SLC39A4: variants seen among roughly 807,000 people sequenced by gnomAD.
SLC39A4 encodes zinc transporter ZIP4.
A neutral mutation model predicts 56.6 loss-of-function variants in SLC39A4; 49 were observed. The ratio of observed to expected loss-of-function variants is 0.87; its 90% confidence interval spans 0.69 to 1.10. The LOEUF (loss-of-function observed/expected upper bound fraction) is 1.10, where lower values mean the gene tolerates loss of function less well. Among genes scored for constraint, SLC39A4 ranks in the 50% least tolerant of loss-of-function variants. The pLI is 0.00. For synonymous variants in SLC39A4, 540 were observed against 420.4 expected (o/e 1.28, Z -3.48); for missense variants, 993 against 864.2 (o/e 1.15, Z -1.87).
chr8:144,414,340 G>T lies in SLC39A4; in HGVS notation c.1071C>A (p.Thr357=), dbSNP rs1554872997. Residue 357 remains threonine (T), a synonymous_variant, in exon 6 of 12, where the codon ACC becomes ACA. Transcript: ENST00000301305. ...LLTCTGCRGV[T]HYILQTFLSL... ...TCAGGAAGGTCTGCAGGATGTAGTGGGTGACCCCCCTGCAGCCAGTGCAGG... is the reference window on the plus strand; with the variant it reads ...TCAGGAAGGTCTGCAGGATGTAGTGTGTGACCCCCCTGCAGCCAGTGCAGG... The T allele has an allele frequency of 6.3e-7, 1 of 1,597,804 alleles. No individual in the cohort carries two copies. Among genetic ancestry groups the T allele is most frequent in the South Asian group, 1.1e-5 (1 of 87,982 alleles).
chr8:144,413,394 G>A lies in SLC39A4; in HGVS notation c.1475-5C>T, dbSNP rs782232344. ...TATAGGGCAGTAGCCTCAACTCTGC[G>A]GGCGCAGAGGCCCGTGGGTTCGCGT... is the stretch of plus-strand genomic sequence containing the variant. On this transcript the variant is annotated splice_region_variant and splice_polypyrimidine_tract_variant and intron_variant, in intron 9 of 11. Transcript: ENST00000301305. 3.7e-6 allele frequency: 6 copies of A among 1,608,638 alleles called. No individual in the cohort carries two copies. The highest frequency in any genetic ancestry group is 1.7e-5 in the Admixed American group (1 of 59,694).
rs141948792 is a variant in SLC39A4, at chr8:144,413,961, C to T, written c.1284G>A (p.Pro428=). Residue 428 remains proline, a synonymous_variant, in exon 7 of 12, where the codon CCG becomes CCA. Coordinates refer to ENST00000301305, the MANE Select transcript of SLC39A4 (RefSeq NM_130849.4). ...NLFNLLLPRD[P]EDLEDGPCGH... ...GTACCTTCCCAAGAAGCCTGACCTCCGGGTCCCTGGGCAGCAGGAGATTGA... is the reference window on the plus strand; with the variant it reads ...GTACCTTCCCAAGAAGCCTGACCTCTGGGTCCCTGGGCAGCAGGAGATTGA... 2.0e-5 allele frequency: 32 copies of T among 1,610,500 alleles called. No individual in the cohort carries two copies. The highest frequency in any genetic ancestry group is 2.5e-5 in the Non-Finnish European group (30 of 1,178,782).
At position 144,415,837 on chromosome 8, in the gene SLC39A4, G is replaced by A. The variant is rs1390219216; in HGVS notation, c.447C>T (p.Ala149=). The A allele has an allele frequency of 2.5e-6, 4 of 1,595,846 alleles. No homozygotes were observed. The highest frequency in any genetic ancestry group is 4.5e-5 in the East Asian group (2 of 44,618). ...TCTTGGGGGTCTGGCCGGCAGCCCG[G>A]GCCTGCATCCTCTGCAGCAGCCAGC... ...GLSWLLQRMQ[A]RAAGQTPKMA... is the part of the protein sequence containing the mutation. The change falls in exon 2 of 12, where the codon GCC becomes GCT. Residue 149 remains alanine, a synonymous_variant. Transcript: ENST00000301305.
Position 144,414,787 on chromosome 8 carries a change from A to G in SLC39A4, c.914T>C (p.Leu305Pro). The G allele has an allele frequency of 6.2e-7, 1 of 1,613,124 alleles. No individual in the cohort carries two copies. Among genetic ancestry groups the G allele is most frequent in the Non-Finnish European group, 8.5e-7 (1 of 1,179,974 alleles). The change falls in exon 5 of 12, where the codon CTG becomes CCG. Residue 305 changes from leucine to proline, a missense_variant. Coordinates refer to ENST00000301305, the MANE Select transcript of SLC39A4 (RefSeq NM_130849.4). ...QLSPALLQQQLSGACTSQSRP... is the reference protein window; with the variant it reads ...QLSPALLQQQPSGACTSQSRP... ...GGACTGGGAGGTGCAGGCTCCACTC[A>G]GCTGCTGTTGGAGCAGGGCAGGGCT...
In SLC39A4 at chr8:144,413,734, T is replaced by G. The variant is rs782410244; in HGVS notation, c.1419+16A>C. ...GAGGGGCTCCGCGTGGGATGGGGCA[T>G]CTGGCGCCCACTCACCAGGTCTGCG... On this transcript the variant is annotated intron_variant, in intron 8 of 11. Transcript: ENST00000301305. 1 of 1,535,360 alleles carries G rather than the reference T, an allele frequency of 6.5e-7. No individual in the cohort carries two copies. The highest frequency in any genetic ancestry group is 1.2e-5 in the South Asian group (1 of 83,942).
At position 144,415,816 on chromosome 8, in the gene SLC39A4, G is replaced by A. The variant is rs1439303751; in HGVS notation, c.468C>T (p.Pro156=). 1.3e-6 allele frequency: 2 copies of A among 1,594,534 alleles called. No individual in the cohort carries two copies. Among genetic ancestry groups the A allele is most frequent in the South Asian group, 2.2e-5 (2 of 90,120 alleles). Reference sequence around the variant, plus strand: ...TGCCTGGACTCTCCCTCACCATCTTGGGGGTCTGGCCGGCAGCCCGGGCCT... The same window carrying A: ...TGCCTGGACTCTCCCTCACCATCTTAGGGGTCTGGCCGGCAGCCCGGGCCT... The part of the protein sequence containing the change: ...RMQARAAGQT[P]KMACVDIPQL... The change falls in exon 2 of 12, where the codon CCC becomes CCT. Residue 156 remains proline, a synonymous_variant. Coordinates refer to ENST00000301305, the MANE Select transcript of SLC39A4 (RefSeq NM_130849.4).
chr8:144,414,520 G>C, intron 5 of SLC39A4, 86 bp from the exon 6 acceptor site: 1 of 1,538,238 alleles, frequency 6.5e-7, no homozygotes, highest in Non-Finnish European at 8.8e-7. Context: ...GCTGCAGGCC[G>C]TCAGTGTGGG....
intron 2 of SLC39A4, 48 bp from the exon 3 acceptor site, chr8:144,415,467 C>A: frequency 6.5e-7 from 1 of 1,542,964 alleles, no homozygotes; most frequent in Non-Finnish European, 8.8e-7. Flanking sequence ...GACCTTCTGC[C>A]ATCCACCCCG....
Position 144,412,454 on chromosome 8 carries a change from C to T in SLC39A4, c.*84G>A, listed in dbSNP as rs756243133. 7 of 1,606,872 alleles carry T rather than the reference C, an allele frequency of 4.4e-6. No homozygotes were observed. The highest frequency in any genetic ancestry group is 6.0e-6 in the Non-Finnish European group (7 of 1,174,858). On this transcript the variant is annotated 3_prime_UTR_variant, in exon 12 of 12. Transcript: ENST00000301305. ...GTCTTTACTGGAGTTGGGACTGGGGCCTCTATAGGGGCTTCTGGTTTCTGG... is the reference window on the plus strand; with the variant it reads ...GTCTTTACTGGAGTTGGGACTGGGGTCTCTATAGGGGCTTCTGGTTTCTGG...
In SLC39A4 at chr8:144,414,964, C is replaced by T. The variant is rs201258648; in HGVS notation, c.804+10G>A. On this transcript the variant is annotated intron_variant, in intron 4 of 11. Transcript: ENST00000301305. Reference sequence around the variant, plus strand: ...GGTGAGGCCCCATCTTACCCCAGGGCGCAGCTCACCGTGTCCCACACACTG... The same window carrying T: ...GGTGAGGCCCCATCTTACCCCAGGGTGCAGCTCACCGTGTCCCACACACTG... 6.7e-5 allele frequency: 108 copies of T among 1,612,844 alleles called. No homozygotes were observed. Among genetic ancestry groups the T allele is most frequent in the African/African-American group, 2.3e-4 (17 of 75,046 alleles).
chr8:144,413,703 C>T (rs1822009913), intron 8 of SLC39A4, 47 bp downstream of exon 8: 4 of 1,534,446 alleles, frequency 2.6e-6, no homozygotes, highest in East Asian at 2.5e-5. Context: ...GGGAAGGGGT[C>T]GGTGGGAGGG....
At position 144,416,235 on chromosome 8, in the gene SLC39A4, G is replaced by T. The variant is rs200738512; in HGVS notation, c.193-144C>A. ...CTCTCTCAACCCCTGGCGCCCTTCC[G>T]TCTCCCCAGGCCCCTGTCCTGCTTC... is the stretch of plus-strand genomic sequence containing the variant. On this transcript the variant is annotated intron_variant, in intron 1 of 11. Coordinates refer to ENST00000301305, the MANE Select transcript of SLC39A4 (RefSeq NM_130849.4). 159 of 1,577,424 alleles carry T rather than the reference G, an allele frequency of 1.0e-4. 1 individual carries two copies. The South Asian group carries it at 1.7e-3, about 17-fold the overall frequency.
In SLC39A4 at chr8:144,415,219, G is replaced by C; in HGVS notation, c.667+8C>G. ...GTGCCCCCCTCCACAGCCCAGCCCA[G>C]GCCTCACCGGCCAGCGTCATAGGGA... On this transcript the variant is annotated splice_region_variant and intron_variant, in intron 3 of 11. Coordinates refer to ENST00000301305, the MANE Select transcript of SLC39A4 (RefSeq NM_130849.4). The C allele has an allele frequency of 1.9e-6, 3 of 1,612,882 alleles. No homozygotes were observed. Among genetic ancestry groups the C allele is most frequent in the Non-Finnish European group, 2.5e-6 (3 of 1,179,836 alleles).
In SLC39A4 at chr8:144,412,451, G is replaced by A. The variant is rs1821915004; in HGVS notation, c.*87C>T. 9 of 1,604,732 alleles carry A rather than the reference G, an allele frequency of 5.6e-6. No individual in the cohort carries two copies. The highest frequency in any genetic ancestry group is 1.1e-5 in the South Asian group (1 of 90,294). On this transcript the variant is annotated 3_prime_UTR_variant, in exon 12 of 12. Transcript: ENST00000301305. ...AGTGTCTTTACTGGAGTTGGGACTG[G>A]GGCCTCTATAGGGGCTTCTGGTTTC...
At position 144,415,421 on chromosome 8, in the gene SLC39A4, T is replaced by TG; in HGVS notation, c.475-3dup. 1.9e-6 allele frequency: 3 copies of TG among 1,597,218 alleles called. No homozygotes were observed. The highest frequency in any genetic ancestry group is 2.6e-6 in the Non-Finnish European group (3 of 1,172,594). Reference sequence around the variant, plus strand: ...CAGCTGAGGGATATCTACGCAGGCCTGGGGAAGAGGGGGCCTCCGCCTCAG... The same window carrying TG: ...CAGCTGAGGGATATCTACGCAGGCCTGGGGGAAGAGGGGGCCTCCGCCTCAG... On this transcript the variant is annotated splice_region_variant and splice_polypyrimidine_tract_variant and intron_variant, in intron 2 of 11. Transcript: ENST00000301305.
intron 2 of SLC39A4, 61 bp from the exon 3 acceptor site, chr8:144,415,480 G>T: frequency 2.7e-6 from 4 of 1,497,860 alleles, no homozygotes; most frequent in Non-Finnish European, 2.7e-6. Flanking sequence ...CCACCCCGCT[G>T]CCCCTGGATG....
Position 144,414,958 on chromosome 8 carries a change from C to G in SLC39A4, c.804+16G>C, listed in dbSNP as rs1822104802. 1.2e-6 allele frequency: 2 copies of G among 1,612,812 alleles called. No homozygotes were observed. Among genetic ancestry groups the G allele is most frequent in the African/African-American group, 2.7e-5 (2 of 74,912 alleles). ...GACCCCGGTGAGGCCCCATCTTACC[C>G]CAGGGCGCAGCTCACCGTGTCCCAC... On this transcript the variant is annotated intron_variant, in intron 4 of 11. Transcript: ENST00000301305.
In SLC39A4 at chr8:144,416,745, C is replaced by T. The variant is rs1822224046; in HGVS notation, c.45G>A (p.Val15=). The part of the protein sequence containing the change: ...VSLELGLLLA[V]LVVTATASPP... ...GGGACGCCGTCGCCGTCACCACCAG[C>T]ACAGCCAGAAGCAGCCCCAGCTCCA... Residue 15 remains valine (V), a synonymous_variant, in exon 1 of 12, where the codon GTG becomes GTA. Coordinates refer to ENST00000301305, the MANE Select transcript of SLC39A4 (RefSeq NM_130849.4). 8 of 1,612,650 alleles carry T rather than the reference C, an allele frequency of 5.0e-6. No homozygotes were observed. Among genetic ancestry groups the T allele is most frequent in the Non-Finnish European group, 5.9e-6 (7 of 1,179,898 alleles).
chr8:144,413,463 A>G (rs1368714520), intron 9 of SLC39A4, 50 bp downstream of exon 9: 4 of 1,570,582 alleles, frequency 2.5e-6, no homozygotes, highest in Non-Finnish European at 8.6e-7. Context: ...CCCGCGCTCC[A>G]CACAAACCCC....
Sources: gnomAD v4.1 joint callset for allele counts on GRCh38, gnomAD v4.1.1 for gene constraint, MANE v1.5 for transcripts, NCBI Gene and HGNC (gene_info 2026-07-23, HGNC 2026-07-21) for gene names.